The following EPB41L3 variants were observed in gnomAD, a reference collection of about 807,000 sequenced individuals.
EPB41L3 encodes the protein band 4.1-like protein 3.
In EPB41L3, 57 loss-of-function variants were observed where a neutral mutation model predicts 127.1. That is an observed-to-expected ratio of 0.45 (90% confidence interval 0.36 to 0.56). The LOEUF (loss-of-function observed/expected upper bound fraction) is 0.56, where lower values mean the gene tolerates loss of function less well. Among genes scored for constraint, EPB41L3 ranks in the 20% least tolerant of loss-of-function variants. The pLI, the probability that EPB41L3 is intolerant of heterozygous loss-of-function variation, is 0.00. For synonymous variants in EPB41L3, 572 were observed against 549.5 expected (o/e 1.04, Z -0.57); for missense variants, 1,273 against 1,372.2 (o/e 0.93, Z 1.14).
At chr18:5,540,503 C>G in intron 1 of EPB41L3, 2 of 985,450 alleles carry the variant, frequency 2.0e-6, no homozygotes, top group Non-Finnish European at 2.4e-6. Flanking sequence ...CTTCACTGCT[C>G]CAGTCCTTGC....
intron 3 of EPB41L3, among the ~76,000 whole-genome samples, chr18:5,604,283 A>G (rs563155421): frequency 6.6e-6 from 1 of 152,170 alleles, no homozygotes; most frequent in African/African-American, 2.4e-5. Context: ...CATAGCAGCA[A>G]CAGTGGTGCT....
At chr18:5,474,639 G>C (rs148076137) in intron 3 of EPB41L3, among the ~76,000 whole-genome samples, 2 of 152,036 alleles carry the variant, frequency 1.3e-5, no homozygotes, top group African/African-American at 4.8e-5. Context: ...TGCTCTTTTT[G>C]ATGCCTTATT....
At chr18:5,403,590 C>CAAAA (rs199992647) in intron 16 of EPB41L3, among the ~76,000 whole-genome samples, 1 of 102,658 alleles carries the variant, frequency 9.7e-6, no homozygotes, top group Non-Finnish European at 2.2e-5. Context: ...TCACTGAGAC[C>CAAAA]AAAAAAAAAA....
intron 3 of EPB41L3, 105 bp from the exon 4 acceptor site, chr18:5,445,349 T>C: frequency 1.1e-6 from 1 of 882,136 alleles, no homozygotes; most frequent in Non-Finnish European, 1.8e-6. Flanking sequence ...TTGGTGTAAC[T>C]TTAGGGAGTG....
chr18:5,520,745 T>G (rs1011347601), intron 1 of EPB41L3, among the ~76,000 whole-genome samples: 3 of 152,162 alleles, frequency 2.0e-5, no homozygotes, highest in African/African-American at 7.2e-5. Context: ...AGACCTCAAC[T>G]CCCACCCACA....
chr18:5,419,644 G>A, intron 12 of EPB41L3, 67 bp downstream of exon 12: 2 of 1,595,702 alleles, frequency 1.3e-6, no homozygotes, highest in South Asian at 2.3e-5. Context: ...CTGGTTTACA[G>A]CCTCAGCATC....
chr18:5,453,072 T>C (rs991196883), intron 3 of EPB41L3, among the ~76,000 whole-genome samples: 4 of 152,176 alleles, frequency 2.6e-5, no homozygotes, highest in African/African-American at 7.2e-5. Flanking sequence ...TGAATCCCTA[T>C]AAATCATCTC....
chr18:5,396,451 G>C lies in EPB41L3; in HGVS notation c.2842-119C>G. The stretch of plus-strand genomic sequence containing the variant: ...TTAGTATGCTATAAATGTTTATGTA[G>C]AGAGTAAGCTGGGGAATGAGGCATA... On this transcript the variant is annotated intron_variant, in intron 18 of 22. Coordinates refer to ENST00000341928, the MANE Select transcript of EPB41L3 (RefSeq NM_012307.5). 4 of 1,195,396 alleles carry C rather than the reference G, an allele frequency of 3.3e-6. No homozygotes were observed. The South Asian group carries it at 5.8e-5, about 17-fold the overall frequency. The allele number at this position is 1,195,396 out of a possible 1,614,324, so 74.0% of individuals were successfully genotyped here.
chr18:5,610,828 A>C (rs561719256), intron 3 of EPB41L3, among the ~76,000 whole-genome samples: 2 of 152,374 alleles, frequency 1.3e-5, no homozygotes, highest in East Asian at 1.9e-4. Context: ...AGGCCCAGGA[A>C]AAATAATTAA....
Position 5,453,806 on chromosome 18 carries a change from G to A in EPB41L3, c.382-8562C>T, listed in dbSNP as rs183737568. Among the ~76,000 whole-genome samples, 253 of 152,198 alleles carry A rather than the reference G, an allele frequency of 1.7e-3. 1 individual carries two copies. The highest frequency in any genetic ancestry group is 5.4e-3 in the African/African-American group (226 of 41,530). ...AGTGTCCTGAACACAGCAGGCATTC[G>A]ATCTATGTGTCTAAGAAGTGCTACT... On this transcript the variant is annotated intron_variant, in intron 3 of 22. Coordinates refer to ENST00000341928, the MANE Select transcript of EPB41L3 (RefSeq NM_012307.5).
At chr18:5,616,484 C>T (rs541990513) in intron 1 of EPB41L3, among the ~76,000 whole-genome samples, 3 of 152,126 alleles carry the variant, frequency 2.0e-5, no homozygotes, top group Admixed American at 1.3e-4. Flanking sequence ...TATCCATATG[C>T]ATACATATTA....
At chr18:5,473,301 G>A (rs1337874304) in intron 3 of EPB41L3, among the ~76,000 whole-genome samples, 5 of 152,052 alleles carry the variant, frequency 3.3e-5, no homozygotes, top group Non-Finnish European at 5.9e-5. Context: ...CACATGAGGA[G>A]AGAAACATGG....
At chr18:5,467,166 C>A (rs1397466463) in intron 3 of EPB41L3, among the ~76,000 whole-genome samples, 1 of 152,144 alleles carries the variant, frequency 6.6e-6, no homozygotes, top group East Asian at 1.9e-4. Context: ...CTTTGTCGAG[C>A]CTTGAAACTT....
At chr18:5,582,611 T>C (rs567087069) in intron 3 of EPB41L3, among the ~76,000 whole-genome samples, 1 of 152,322 alleles carries the variant, frequency 6.6e-6, no homozygotes, top group South Asian at 2.1e-4. Context: ...TCCATGATGA[T>C]TTTAACACAG....
chr18:5,594,899 A>C (rs1295151879), intron 3 of EPB41L3, among the ~76,000 whole-genome samples: 1 of 152,244 alleles, frequency 6.6e-6, no homozygotes, highest in Non-Finnish European at 1.5e-5. Context: ...ACGGAAAATA[A>C]GGAGAAAATT....
intron 3 of EPB41L3, among the ~76,000 whole-genome samples, chr18:5,586,906 A>C (rs965818763): frequency 6.6e-6 from 1 of 152,134 alleles, no homozygotes. Flanking sequence ...AATTATAGTC[A>C]TCAGTTTTTA....
At chr18:5,455,002 G>A (rs893513009) in intron 3 of EPB41L3, among the ~76,000 whole-genome samples, 6 of 152,188 alleles carry the variant, frequency 3.9e-5, no homozygotes, top group Non-Finnish European at 7.3e-5. Context: ...TGTAATGTTA[G>A]ACAAGTTATT....
chr18:5,405,080 A>ACC (rs2075147076), intron 16 of EPB41L3, among the ~76,000 whole-genome samples: 1 of 152,238 alleles, frequency 6.6e-6, no homozygotes, highest in Non-Finnish European at 1.5e-5. Context: ...TCAAATGGAT[A>ACC]TAGACCTATT....
chr18:5,502,096 G>A (rs905017839), intron 1 of EPB41L3, among the ~76,000 whole-genome samples: 11 of 152,062 alleles, frequency 7.2e-5, no homozygotes, highest in Admixed American at 5.2e-4. Flanking sequence ...ATAAAAGGAC[G>A]GCCCTGTGGT....
Sources: allele counts gnomAD v4.1 joint callset (sites outside exome capture counted in the v4.1 genomes callset), GRCh38; gene constraint gnomAD v4.1.1; transcripts MANE v1.5; gene names NCBI Gene and HGNC (gene_info 2026-07-23, HGNC 2026-07-21).